The following NUP98 variants were observed in gnomAD, a reference collection of about 807,000 sequenced individuals.
NUP98 encodes nuclear pore complex protein Nup98-Nup96.
Under a neutral mutation model 191.9 loss-of-function variants are expected in NUP98, and 26 were observed. That is an observed-to-expected ratio of 0.14 (90% CI 0.10 to 0.19). NUP98 has a LOEUF of 0.19. Ranked by LOEUF, NUP98 falls within the 10% of genes least tolerant of loss-of-function variation. NUP98 has a pLI of 1.00. For missense variants in NUP98, 1,941 were observed against 2,178.8 expected (o/e 0.89, Z 2.17); for synonymous variants, 808 against 778.4 (o/e 1.04, Z -0.63).
intron 5 of NUP98, 61 bp downstream of exon 5, chr11:3,775,821 C>A (rs2081700728): frequency 1.3e-6 from 2 of 1,529,436 alleles, no homozygotes; most frequent in Non-Finnish European, 9.0e-7. Flanking sequence ...TACAATTCAT[C>A]CTGCAAAGAA....
chr11:3,753,835 A>G (rs1476548121), intron 10 of NUP98, among the ~76,000 whole-genome samples: 1 of 131,818 alleles, frequency 7.6e-6, no homozygotes, highest in Non-Finnish European at 1.6e-5. Flanking sequence ...GCTACTCGGG[A>G]GGCTAAGGTG....
At chr11:3,720,447 A>C (rs544652767) in intron 17 of NUP98, among the ~76,000 whole-genome samples, 8 of 152,274 alleles carry the variant, frequency 5.3e-5, no homozygotes, top group African/African-American at 1.9e-4. Flanking sequence ...AGGCAGGAGA[A>C]ATGCTTGACC....
intron 29 of NUP98, among the ~76,000 whole-genome samples, chr11:3,683,784 C>T (rs1035082035): frequency 1.3e-5 from 2 of 152,014 alleles, no homozygotes; most frequent in Non-Finnish European, 2.9e-5. Flanking sequence ...GTGATCCACC[C>T]GCCTCAGCTT....
chr11:3,748,479 C>T (rs1235006337), intron 11 of NUP98, among the ~76,000 whole-genome samples: 10 of 152,058 alleles, frequency 6.6e-5, no homozygotes, highest in Non-Finnish European at 1.5e-4. Flanking sequence ...CGAGATCACA[C>T]CACTACACTC....
Position 3,747,827 on chromosome 11 carries a change from G to T in NUP98, c.1268-3178C>A, listed in dbSNP as rs78833282. 1.0e-2 allele frequency among the ~76,000 whole-genome samples: 1,517 copies of T among 152,274 alleles called. 26 individuals are homozygous for T. Among genetic ancestry groups the T allele is most frequent in the African/African-American group, 0.035 (1,458 of 41,544 alleles). ...TAGTCTACCTGTTAAACCATGAAAT[G>T]CAGAGTTCAGGAACGTGGGTGTTTA... is the stretch of plus-strand genomic sequence containing the variant. On this transcript the variant is annotated intron_variant, in intron 11 of 32. Transcript: ENST00000324932.
At chr11:3,758,313 T>A (rs2081048510) in intron 10 of NUP98, among the ~76,000 whole-genome samples, 1 of 142,488 alleles carries the variant, frequency 7.0e-6, no homozygotes, top group African/African-American at 2.6e-5. Context: ...AGAGCGAGAC[T>A]CCGTCTCAAA....
In NUP98 at chr11:3,702,734, G is replaced by A; in HGVS notation, c.3241C>T (p.Pro1081Ser). Residue 1081 changes from proline to serine, a missense_variant, in exon 23 of 33, where the codon CCC becomes TCC. This residue lies in a region of NUP98 where 1,030 missense variants were observed against 1,115.8 expected (regional missense o/e 0.92). Transcript: ENST00000324932. Reference sequence around the variant, plus strand: ...AACGGAACCTCAGGGGCTGGGCTGGGCATTGTGAACACAGAAGTCAGGGGT... The same window carrying A: ...AACGGAACCTCAGGGGCTGGGCTGGACATTGTGAACACAGAAGTCAGGGGT... ...PPPLTSVFTM[P>S]SPAPEVPLKT... The A allele has an allele frequency of 1.2e-6, 2 of 1,614,168 alleles. No individual in the cohort carries two copies. The highest frequency in any genetic ancestry group is 1.7e-6 in the Non-Finnish European group (2 of 1,180,038).
chr11:3,736,583 G>A (rs752938775), intron 12 of NUP98, among the ~76,000 whole-genome samples: 21 of 152,154 alleles, frequency 1.4e-4, no homozygotes, highest in Admixed American at 5.9e-4. Context: ...AGCCGAGATC[G>A]CGCCACTGCA....
intron 20 of NUP98, 107 bp from the exon 21 acceptor site, chr11:3,706,734 T>C: frequency 7.3e-6 from 8 of 1,093,382 alleles, no homozygotes; most frequent in Non-Finnish European, 1.1e-5. Flanking sequence ...AATTATTAGA[T>C]TCAGCCCATT....
intron 18 of NUP98, among the ~76,000 whole-genome samples, chr11:3,719,084 C>T (rs1004113973): frequency 6.0e-5 from 9 of 150,742 alleles, no homozygotes; most frequent in Non-Finnish European, 1.0e-4. Flanking sequence ...CATTCCACTG[C>T]GCTCCAGCCT....
chr11:3,726,794 T>C (rs1033940974), intron 14 of NUP98, among the ~76,000 whole-genome samples: 8 of 151,882 alleles, frequency 5.3e-5, no homozygotes, highest in African/African-American at 1.9e-4. Context: ...TTCTTTTTTT[T>C]TTTTTGAGAC....
intron 2 of NUP98, among the ~76,000 whole-genome samples, chr11:3,780,475 G>T (rs1423463614): frequency 6.8e-6 from 1 of 146,476 alleles, no homozygotes; most frequent in Non-Finnish European, 1.5e-5. Context: ...CCAGGAGGCG[G>T]AAGTCGCCGT....
chr11:3,700,268 CAAAAAA>C (rs35824298), intron 24 of NUP98, among the ~76,000 whole-genome samples: 4 of 93,420 alleles, frequency 4.3e-5, no homozygotes, highest in East Asian at 2.6e-4. Flanking sequence ...GACTCCGTCT[CAAAAAA>C]AAAAAAAAAA....
chr11:3,793,209 T>C (rs981627398), intron 1 of NUP98, among the ~76,000 whole-genome samples: 8 of 152,214 alleles, frequency 5.3e-5, no homozygotes, highest in Non-Finnish European at 1.0e-4. Flanking sequence ...TCCAACTATG[T>C]ATCTGTATGA....
intron 14 of NUP98, among the ~76,000 whole-genome samples, chr11:3,728,703 C>A (rs1395257394): frequency 6.6e-6 from 1 of 152,068 alleles, no homozygotes; most frequent in Non-Finnish European, 1.5e-5. Context: ...GGGGCCACTG[C>A]ACTCCAGCCT....
At chr11:3,696,054 G>A (rs1173695616) in intron 25 of NUP98, among the ~76,000 whole-genome samples, 2 of 152,040 alleles carry the variant, frequency 1.3e-5, no homozygotes, top group African/African-American at 4.8e-5. Flanking sequence ...CACCGGGCGT[G>A]CTGGTGCACA....
At chr11:3,677,979 TACACACACAC>T (rs35187001) in intron 31 of NUP98, among the ~76,000 whole-genome samples, 10,851 of 150,770 alleles carry the variant, frequency 0.072, 534 homozygotes, top group Non-Finnish European at 0.11. Context: ...TCTACTAAAA[TACACACACAC>T]ACACACAAAG....
chr11:3,735,351 A>ATAT, intron 12 of NUP98, 27 bp from the exon 13 acceptor site: 1 of 1,080,732 alleles, frequency 9.3e-7, no homozygotes, highest in Non-Finnish European at 1.2e-6. Context: ...AAGAAAACAA[A>ATAT]ATATATATAT....
chr11:3,768,821 A>G, intron 7 of NUP98, 77 bp from the exon 8 acceptor site: 3 of 1,159,436 alleles, frequency 2.6e-6, no homozygotes, highest in African/African-American at 1.5e-5. Flanking sequence ...AAAACCTTCC[A>G]TTATCCAGTT....
Sources: gnomAD v4.1 joint callset for allele counts (sites outside exome capture counted in the v4.1 genomes callset) on GRCh38, gnomAD v4.1.1 for gene constraint, gnomAD v4.1.1 regional missense constraint, MANE v1.5 for transcripts, NCBI Gene and HGNC (gene_info 2026-07-23, HGNC 2026-07-21) for gene names.